The following RHOBTB1 variants were observed in gnomAD, a reference collection of about 807,000 sequenced individuals.
The protein encoded by RHOBTB1 is rho-related BTB domain-containing protein 1.
A neutral mutation model predicts 71.6 loss-of-function variants in RHOBTB1; 40 were observed. That is an observed-to-expected ratio of 0.56 (90% CI 0.43 to 0.73). The LOEUF is 0.73. RHOBTB1 is among the 30% of genes least tolerant of loss of function. The probability of loss-of-function intolerance (pLI) is 0.00; values close to 1 mark genes in which losing one functional copy is unlikely to be tolerated. For missense variants in RHOBTB1, 797 were observed against 894.0 expected (o/e 0.89, Z 1.38); for synonymous variants, 319 against 334.9 (o/e 0.95, Z 0.52).
chr10:60,990,140 G>A (rs939029427), intron 1 of RHOBTB1, among the ~76,000 whole-genome samples: 17 of 151,786 alleles, frequency 1.1e-4, no homozygotes, highest in Non-Finnish European at 1.8e-4. Flanking sequence ...CCGCCACCAC[G>A]CCTGGATAAT....
intron 2 of RHOBTB1, among the ~76,000 whole-genome samples, chr10:60,938,669 T>C (rs534705580): frequency 6.6e-6 from 1 of 152,350 alleles, no homozygotes; most frequent in Admixed American, 6.5e-5. Flanking sequence ...GAATAACTTC[T>C]ATACTCCGAC....
In RHOBTB1 at chr10:60,869,626, G is replaced by A. The variant is rs1239497582; in HGVS notation, c.*1856C>T. Reference sequence around the variant, plus strand: ...TTATACATCCATTATATTTTGGCAAGATTACAATCAAATGGGAGCTTTGGT... The same window carrying A: ...TTATACATCCATTATATTTTGGCAAAATTACAATCAAATGGGAGCTTTGGT... On this transcript the variant is annotated 3_prime_UTR_variant, in exon 11 of 11. Transcript: ENST00000337910. The A allele has an allele frequency of 6.6e-6, 1 of 152,616 alleles. No individual in the cohort carries two copies. Among genetic ancestry groups the A allele is most frequent in the African/African-American group, 2.4e-5 (1 of 41,432 alleles). 9.5% of individuals were successfully genotyped at this position (152,616 alleles called of 1,614,324 possible).
chr10:60,943,219 A>C (rs761572268), intron 1 of RHOBTB1, among the ~76,000 whole-genome samples: 3 of 152,224 alleles, frequency 2.0e-5, no homozygotes, highest in Non-Finnish European at 4.4e-5. Flanking sequence ...CCAAGTCTAA[A>C]TATTGACATC....
chr10:60,950,801 A>G (rs962158498), intron 2 of RHOBTB1, among the ~76,000 whole-genome samples: 12 of 152,226 alleles, frequency 7.9e-5, no homozygotes, highest in Non-Finnish European at 1.5e-4. Context: ...TAGGAGTGCC[A>G]AAGATTAATA....
At chr10:60,933,945 A>G (rs2084412946) in intron 2 of RHOBTB1, among the ~76,000 whole-genome samples, 1 of 152,206 alleles carries the variant, frequency 6.6e-6, no homozygotes, top group South Asian at 2.1e-4. Context: ...ACACAAAGAG[A>G]TTGAGATATA....
chr10:60,891,775 A>C (rs1331754855), intron 5 of RHOBTB1, among the ~76,000 whole-genome samples: 1 of 152,176 alleles, frequency 6.6e-6, no homozygotes, highest in South Asian at 2.1e-4. Context: ...ATTTTAAAAG[A>C]AACGTATTTC....
intron 2 of RHOBTB1, among the ~76,000 whole-genome samples, chr10:60,912,004 T>A (rs1044280881): frequency 6.6e-6 from 1 of 152,272 alleles, no homozygotes; most frequent in Non-Finnish European, 1.5e-5. Flanking sequence ...AGATCGCTCA[T>A]TAGCCAATAT....
At chr10:60,941,668 A>T (rs1481690931) in intron 2 of RHOBTB1, 136 bp downstream of exon 2, 1 of 152,258 alleles carries the variant, frequency 6.6e-6, no homozygotes, top group African/African-American at 2.4e-5. Context: ...TGACATTCAT[A>T]ACTGAGTCCA....
chr10:60,941,698 A>C (rs113549090), intron 2 of RHOBTB1, 106 bp downstream of exon 2: 4 of 152,450 alleles, frequency 2.6e-5, no homozygotes, highest in African/African-American at 9.6e-5. Context: ...CAAAGACAAA[A>C]TTTTTAAAAG....
chr10:60,965,942 G>A (rs1490239981), intron 2 of RHOBTB1, among the ~76,000 whole-genome samples: 1 of 152,082 alleles, frequency 6.6e-6, no homozygotes, highest in South Asian at 2.1e-4. Flanking sequence ...CTAACTCATC[G>A]GGGGAAGTGG....
chr10:60,972,857 C>A (rs1272662014), intron 2 of RHOBTB1, among the ~76,000 whole-genome samples: 1 of 151,982 alleles, frequency 6.6e-6, no homozygotes, highest in African/African-American at 2.4e-5. Context: ...TGCTCTATGG[C>A]AACCCTGCTT....
chr10:60,911,068 C>T (rs2082942467), intron 3 of RHOBTB1, 78 bp from the exon 4 acceptor site: 6 of 1,103,824 alleles, frequency 5.4e-6, no homozygotes, highest in Non-Finnish European at 8.2e-6. Flanking sequence ...AGTCAGCACC[C>T]TCAGTGCCAT....
intron 2 of RHOBTB1, among the ~76,000 whole-genome samples, chr10:60,954,692 T>A (rs916685789): frequency 4.6e-5 from 7 of 152,014 alleles, no homozygotes; most frequent in Admixed American, 2.0e-4. Flanking sequence ...AGGAGAAAAA[T>A]TGGATGGAAG....
chr10:60,876,889 T>C (rs754868506), intron 8 of RHOBTB1, among the ~76,000 whole-genome samples: 1 of 152,224 alleles, frequency 6.6e-6, no homozygotes, highest in East Asian at 1.9e-4. Context: ...CAAGTGCAGA[T>C]AGGACTGGTT....
rs114466385 is a variant in RHOBTB1, at chr10:60,952,780, C to T, written c.-61-10926G>A. Among the ~76,000 whole-genome samples, 1,291 of 151,882 alleles carry T rather than the reference C, an allele frequency of 8.5e-3. 12 individuals are homozygous for T. The highest frequency in any genetic ancestry group is 0.029 in the African/African-American group (1,212 of 41,420). ...TAAACTACCTTAGTATTTTATATATCCAAAGTTTCATGTAGATTAAAGGTT... is the reference window on the plus strand; with the variant it reads ...TAAACTACCTTAGTATTTTATATATTCAAAGTTTCATGTAGATTAAAGGTT... On this transcript the variant is annotated intron_variant, in intron 2 of 11. Transcript: ENST00000357917.
At chr10:60,986,432 A>ATAT (rs66585379) in intron 1 of RHOBTB1, among the ~76,000 whole-genome samples, 4 of 74,316 alleles carry the variant, frequency 5.4e-5, no homozygotes, top group East Asian at 6.5e-4. Flanking sequence ...TATATATATA[A>ATAT]AATATATATA....
rs767758396 is a variant in RHOBTB1 at position 60,872,276 on chromosome 10, G to T, written c.1830C>A (p.His610Gln). 3.1e-5 allele frequency: 50 copies of T among 1,613,832 alleles called. No homozygotes were observed. Among genetic ancestry groups the T allele is most frequent in the Non-Finnish European group, 4.2e-5 (49 of 1,179,808 alleles). Residue 610 changes from histidine (H) to glutamine (Q), a missense_variant, in exon 10 of 11, where the codon CAC (histidine) becomes CAA (glutamine). Around this residue, in one of 2 missense-constraint regions of RHOBTB1, gnomAD observed 658 missense variants for 681.5 expected, o/e 0.97. Transcript: ENST00000337910. The part of the protein sequence containing the change: ...YLELAQFHNA[H>Q]QLAAWCLHHI... Reference sequence around the variant, plus strand: ...GGTGCAAACACCAGGCGGCCAACTGGTGGGCATTGTGAAACTGCAGAAAAG... The same window carrying T: ...GGTGCAAACACCAGGCGGCCAACTGTTGGGCATTGTGAAACTGCAGAAAAG...
At chr10:60,911,769 G>T (rs2082984730) in intron 2 of RHOBTB1, among the ~76,000 whole-genome samples, 1 of 152,136 alleles carries the variant, frequency 6.6e-6, no homozygotes, top group African/African-American at 2.4e-5. Flanking sequence ...CTGTTATTTT[G>T]ACCCCAAACA....
upstream of RHOBTB1, among the ~76,000 whole-genome samples, chr10:60,944,471 G>C (rs1377267635): frequency 6.6e-6 from 1 of 152,170 alleles, no homozygotes; most frequent in Non-Finnish European, 1.5e-5. Flanking sequence ...GCACGGAGGC[G>C]GATCGCCCGG....
Sources: gnomAD v4.1 joint callset for allele counts (sites outside exome capture counted in the v4.1 genomes callset) on GRCh38, gnomAD v4.1.1 for gene constraint, gnomAD v4.1.1 regional missense constraint, MANE v1.5 for transcripts, NCBI Gene and HGNC (gene_info 2026-07-23, HGNC 2026-07-21) for gene names.